The following SATB2 variants were observed in gnomAD, a reference collection of about 807,000 sequenced individuals.
SATB2 encodes SATB homeobox 2, also known as DNA-binding protein SATB2.
SATB2 carries 1 observed loss-of-function variant against 73.4 expected under a neutral mutation model. The ratio of observed to expected loss-of-function variants is 0.01; its 90% CI spans 0.00 to 0.06. SATB2 has a LOEUF of 0.06. SATB2 is among the 10% of genes least tolerant of loss of function. The probability of loss-of-function intolerance (pLI) is 1.00; values close to 1 mark genes in which losing one functional copy is unlikely to be tolerated. For synonymous variants in SATB2, 397 were observed against 367.0 expected (o/e 1.08, Z -0.93); for missense variants, 459 against 945.8 (o/e 0.49, Z 6.75).
At chr2:199,300,196 A>G (rs1266404896) in intron 10 of SATB2, among the ~76,000 whole-genome samples, 1 of 151,078 alleles carries the variant, frequency 6.6e-6, no homozygotes, top group Non-Finnish European at 1.5e-5. Context: ...GCAGGGAGGG[A>G]GGGAGAAGGA....
chr2:199,283,890 G>A (rs953034022), intron 10 of SATB2, among the ~76,000 whole-genome samples: 2 of 152,184 alleles, frequency 1.3e-5, no homozygotes, highest in African/African-American at 4.8e-5. Flanking sequence ...GAAGATGGTT[G>A]TCTTGAGAAA....
intron 2 of SATB2, among the ~76,000 whole-genome samples, chr2:199,440,631 C>A (rs908738968): frequency 3.9e-5 from 6 of 152,152 alleles, no homozygotes; most frequent in African/African-American, 1.4e-4. Flanking sequence ...GCTCCCCCAG[C>A]TGCTCCAGTT....
At chr2:199,305,831 C>T (rs966290508) in intron 10 of SATB2, among the ~76,000 whole-genome samples, 2 of 152,106 alleles carry the variant, frequency 1.3e-5, no homozygotes, top group Non-Finnish European at 1.5e-5. Flanking sequence ...ATAGTGTACC[C>T]TAATTACCTA....
chr2:199,380,529 C>G (rs1689738512), intron 4 of SATB2, 42 bp from the exon 5 acceptor site: 1 of 1,603,930 alleles, frequency 6.2e-7, no homozygotes, highest in African/African-American at 1.3e-5. Context: ...AAACCTCAAC[C>G]AGGGTCCCTG....
At chr2:199,376,674 C>T (rs972278592) in intron 5 of SATB2, among the ~76,000 whole-genome samples, 2 of 152,050 alleles carry the variant, frequency 1.3e-5, no homozygotes, top group Non-Finnish European at 2.9e-5. Context: ...TAAGAGATGG[C>T]CTCTGTTATT....
At chr2:199,273,921 G>A (rs983407398) in intron 10 of SATB2, among the ~76,000 whole-genome samples, 1 of 152,176 alleles carries the variant, frequency 6.6e-6, no homozygotes, top group African/African-American at 2.4e-5. Context: ...ATGAAGTCCT[G>A]ATGAGGAACT....
chr2:199,315,465 T>C (rs1375565036), intron 9 of SATB2, among the ~76,000 whole-genome samples: 2 of 151,848 alleles, frequency 1.3e-5, no homozygotes, highest in Non-Finnish European at 2.9e-5. Flanking sequence ...CTGTAAATCT[T>C]ACATGTTAAG....
chr2:199,329,037 C>CTAAT lies in SATB2; in HGVS notation c.1174-131_1174-128dup, dbSNP rs891269892. ...TCGCTGTGATGTCAAGAACCTCACA[C>CTAAT]TAATTCCTTAGGGTTCTCCGATATG... On this transcript the variant is annotated intron_variant, in intron 7 of 10. Transcript: ENST00000417098. 3 of 741,042 alleles carry CTAAT rather than the reference C, an allele frequency of 4.0e-6. No individual in the cohort carries two copies. In the Admixed American group the frequency reaches 6.0e-5, roughly 15 times the overall value. 45.9% of individuals were successfully genotyped at this position (741,042 alleles called of 1,614,324 possible).
chr2:199,350,840 C>G (rs1688793950), intron 6 of SATB2, among the ~76,000 whole-genome samples: 1 of 151,846 alleles, frequency 6.6e-6, no homozygotes, highest in South Asian at 2.1e-4. Flanking sequence ...CTGGCCAACA[C>G]AGCAAAACCC....
chr2:199,334,806 A>T (rs1437166008), intron 7 of SATB2, among the ~76,000 whole-genome samples: 1 of 152,136 alleles, frequency 6.6e-6, no homozygotes, highest in African/African-American at 2.4e-5. Context: ...AATCAGCGAC[A>T]TGGCTGTAGA....
intron 10 of SATB2, among the ~76,000 whole-genome samples, chr2:199,281,260 ATGTATGTG>A (rs1331560797): frequency 2.0e-4 from 5 of 24,854 alleles, no homozygotes; most frequent in Non-Finnish European, 1.8e-3. Flanking sequence ...GTGTGTATGT[ATGTATGTG>A]TGTGTGTGTG....
At chr2:199,371,076 A>G (rs1689432738) in intron 5 of SATB2, among the ~76,000 whole-genome samples, 1 of 152,186 alleles carries the variant, frequency 6.6e-6, no homozygotes, top group African/African-American at 2.4e-5. Context: ...ATATAGAACT[A>G]ATACCCAAAA....
At chr2:199,311,344 G>T (rs529608699) in intron 9 of SATB2, among the ~76,000 whole-genome samples, 1 of 152,220 alleles carries the variant, frequency 6.6e-6, no homozygotes, top group Non-Finnish European at 1.5e-5. Context: ...TCAGATTAAG[G>T]GATGGAGCCT....
chr2:199,393,947 C>T (rs1690225183), intron 3 of SATB2, among the ~76,000 whole-genome samples: 1 of 152,148 alleles, frequency 6.6e-6, no homozygotes, highest in Non-Finnish European at 1.5e-5. Flanking sequence ...GCCGACTGCA[C>T]TTCTTCCTAA....
At chr2:199,446,801 T>A (rs1341445430) in intron 2 of SATB2, among the ~76,000 whole-genome samples, 1 of 152,218 alleles carries the variant, frequency 6.6e-6, no homozygotes, top group Non-Finnish European at 1.5e-5. Flanking sequence ...CTAAAAGGGA[T>A]GATAAATGCT....
intron 2 of SATB2, among the ~76,000 whole-genome samples, chr2:199,438,753 C>G (rs1044743003): frequency 6.6e-6 from 1 of 152,236 alleles, no homozygotes; most frequent in Non-Finnish European, 1.5e-5. Context: ...CTTTGCACTG[C>G]ACTTCCTAGA....
chr2:199,338,917 TAAAAAAAA>T (rs564809180), intron 7 of SATB2, among the ~76,000 whole-genome samples: 1 of 128,076 alleles, frequency 7.8e-6, no homozygotes, highest in African/African-American at 3.0e-5. Context: ...GACTCTGTCT[TAAAAAAAA>T]AAAAAAAAAA....
At chr2:199,371,346 A>G (rs1689440312) in intron 5 of SATB2, among the ~76,000 whole-genome samples, 4 of 152,138 alleles carry the variant, frequency 2.6e-5, no homozygotes, top group African/African-American at 9.7e-5. Context: ...CTAGAACATC[A>G]ACACTTAATT....
rs188200171 is a variant in SATB2, at chr2:199,272,562, A to G, written c.1851T>C (p.Ser617=). 51 of 1,614,144 alleles carry G rather than the reference A, an allele frequency of 3.2e-5. 1 individual carries two copies. The Middle Eastern group carries it at 9.9e-4, about 31-fold the overall frequency. The change falls in exon 11 of 11, where the codon TCT becomes TCC. Residue 617 remains serine, a synonymous_variant. Transcript: ENST00000417098. The surrounding 1 kb of genome is among the most constrained non-coding windows in gnomAD (Gnocchi z 6.7). ...TEDSCAKKPR[S]RTKISLEALG... ...GGGCTTCTAAGGAGATCTTTGTGCG[A>G]GACCGGGGCTTTTTGGCACAACTGT...
Sources: gnomAD v4.1 joint callset for allele counts (sites outside exome capture counted in the v4.1 genomes callset) on GRCh38, gnomAD v4.1.1 for gene constraint, Gnocchi (gnomAD v3.1) non-coding constraint, MANE v1.5 for transcripts, NCBI Gene and HGNC (gene_info 2026-07-23, HGNC 2026-07-21) for gene names.